The following SMCO4 variants were observed in gnomAD, a reference collection of about 807,000 sequenced individuals.
SMCO4 encodes the protein single-pass membrane protein with coiled-coil domains 4.
A neutral mutation model predicts 3.6 loss-of-function variants in SMCO4; 4 were observed. The ratio of observed to expected loss-of-function variants is 1.11; its 90% CI spans 0.54 to 2.53. The LOEUF (loss-of-function observed/expected upper bound fraction) is 2.53. Among genes scored for constraint, SMCO4 ranks in the 30% most tolerant of loss-of-function variants. The pLI, the probability that SMCO4 is intolerant of heterozygous loss-of-function variation, is 0.02. For synonymous variants in SMCO4, 36 were observed against 35.3 expected, an observed-to-expected ratio of 1.02 and a Z score of -0.07; for missense variants, 70 against 80.8, an observed-to-expected ratio of 0.87 and a Z score of 0.51.
Position 93,520,172 on chromosome 11 carries a change from G to C in SMCO4, c.-153-20824C>G, listed in dbSNP as rs11020398. On this transcript the variant is annotated intron_variant, in intron 1 of 2. Coordinates refer to ENST00000298966, the MANE Select transcript of SMCO4 (RefSeq NM_020179.3). ...CTAGAGGCATCTGGACAACTCCCTT[G>C]TTTTAGAGAAAAGAATCCTGAAGTT... 5.1e-3 allele frequency among the ~76,000 whole-genome samples: 778 copies of C among 152,280 alleles called. 34 individuals are homozygous for C. In the East Asian group the frequency reaches 0.075, roughly 15 times the overall value.
At chr11:93,482,407 A>T (rs968889294) in intron 2 of SMCO4, among the ~76,000 whole-genome samples, 1 of 152,148 alleles carries the variant, frequency 6.6e-6, no homozygotes, top group African/African-American at 2.4e-5. Flanking sequence ...AATATCAAGG[A>T]GGCAATTGGA....
intron 2 of SMCO4, among the ~76,000 whole-genome samples, chr11:93,487,259 G>A (rs1226286834): frequency 6.6e-6 from 1 of 152,192 alleles, no homozygotes; most frequent in Non-Finnish European, 1.5e-5. Context: ...AGGCTGACAG[G>A]AGAATTGTGC....
At chr11:93,527,242 TTA>T (rs1038142901) in intron 1 of SMCO4, among the ~76,000 whole-genome samples, 6 of 152,146 alleles carry the variant, frequency 3.9e-5, no homozygotes, top group African/African-American at 1.4e-4. Context: ...ACTCCAACTG[TTA>T]TATACCACAG....
chr11:93,494,086 C>T (rs1255032930), intron 2 of SMCO4, among the ~76,000 whole-genome samples: 1 of 152,148 alleles, frequency 6.6e-6, no homozygotes, highest in East Asian at 1.9e-4. Flanking sequence ...GCAAACACTC[C>T]TGAGTCCTTT....
chr11:93,510,010 T>C (rs1157155560), intron 1 of SMCO4, among the ~76,000 whole-genome samples: 2 of 152,152 alleles, frequency 1.3e-5, no homozygotes, highest in Non-Finnish European at 2.9e-5. Context: ...TAGTTATAAC[T>C]AAAAGAGAAG....
intron 1 of SMCO4, chr11:93,523,231 C>A (rs1013882047): frequency 2.0e-5 from 3 of 151,988 alleles, no homozygotes; most frequent in Non-Finnish European, 4.4e-5. Context: ...GTCCCAGCTA[C>A]TCAGGAGAAT....
In SMCO4 at chr11:93,543,223, C is replaced by G. The variant is rs1045526439; in HGVS notation, c.-154+53G>C. On this transcript the variant is annotated intron_variant, in intron 1 of 2. Coordinates refer to ENST00000298966, the MANE Select transcript of SMCO4 (RefSeq NM_020179.3). ...CCCGGTGCCCCGTGCCCCGCGCCCG[C>G]CCGCCGGCTCGCCCGCCCCGCCGCC... 41 of 143,452 alleles carry G rather than the reference C, an allele frequency of 2.9e-4. 1 individual carries two copies. The highest frequency in any genetic ancestry group is 1.0e-3 in the African/African-American group (41 of 40,450). The allele number at this position is 143,452 out of a possible 1,614,324, so 8.9% of individuals were successfully genotyped here.
At chr11:93,514,701 G>A (rs1948993723) in intron 1 of SMCO4, among the ~76,000 whole-genome samples, 1 of 152,106 alleles carries the variant, frequency 6.6e-6, no homozygotes, top group Admixed American at 6.5e-5. Context: ...ATTAATAGCT[G>A]ATTAAATGAT....
chr11:93,511,904 T>C (rs1948961102), intron 1 of SMCO4, among the ~76,000 whole-genome samples: 1 of 152,236 alleles, frequency 6.6e-6, no homozygotes, highest in South Asian at 2.1e-4. Context: ...AATTTTCATT[T>C]TGTAAACATG....
intron 1 of SMCO4, among the ~76,000 whole-genome samples, chr11:93,526,079 A>G (rs1949104093): frequency 1.3e-5 from 2 of 151,984 alleles, no homozygotes; most frequent in South Asian, 4.2e-4. Context: ...TATCCCTAAC[A>G]CTCATATTGG....
At chr11:93,507,446 T>C (rs576759167) in intron 1 of SMCO4, among the ~76,000 whole-genome samples, 158 of 152,278 alleles carry the variant, frequency 1.0e-3, no homozygotes, top group African/African-American at 3.6e-3. Context: ...TTTTCAGCTT[T>C]AGAGCATCTC....
intron 1 of SMCO4, among the ~76,000 whole-genome samples, chr11:93,511,952 A>ATCAC (rs1948961549): frequency 1.3e-5 from 2 of 152,232 alleles, no homozygotes; most frequent in African/African-American, 4.8e-5. Context: ...AACTGGGTCA[A>ATCAC]TAGTGATCTC....
chr11:93,538,173 A>C (rs551299987), intron 1 of SMCO4, among the ~76,000 whole-genome samples: 1 of 152,296 alleles, frequency 6.6e-6, no homozygotes, highest in South Asian at 2.1e-4. Context: ...TTGGGCTCTG[A>C]TGCCCGCTTC....
rs991042862 is a variant in SMCO4 at position 93,478,933 on chromosome 11, T to C, written c.*77A>G. 3.3e-6 allele frequency: 5 copies of C among 1,510,266 alleles called. No individual in the cohort carries two copies. The highest frequency in any genetic ancestry group is 2.8e-5 in the African/African-American group (2 of 72,614). 93.6% of individuals were successfully genotyped at this position (1,510,266 alleles called of 1,614,324 possible). ...TCAGCAACATGAACATCTCTGAATA[T>C]GAAAGCCATTTTTTGTTTGCGTCCC... On this transcript the variant is annotated 3_prime_UTR_variant, in exon 3 of 3. Transcript: ENST00000298966.
rs369643237 is a variant in SMCO4, at chr11:93,534,375, T to TATATAGAGAGAGAGAG, written c.-154+8900_-154+8901insCTCTCTCTCTCTATAT. Among the ~76,000 whole-genome samples the TATATAGAGAGAGAGAG allele has an allele frequency of 4.4e-3, 630 of 142,110 alleles. 9 individuals carry two copies. Among genetic ancestry groups the TATATAGAGAGAGAGAG allele is most frequent in the Non-Finnish European group, 6.3e-3 (415 of 65,934 alleles). The allele number at this position is 142,110 out of a possible 152,430, so 93.2% of individuals were successfully genotyped here. A position where few individuals can be genotyped will look rare whatever the true frequency, so the allele number is the denominator to read the frequency against. On this transcript the variant is annotated intron_variant, in intron 1 of 2. Coordinates refer to ENST00000298966, the MANE Select transcript of SMCO4 (RefSeq NM_020179.3). Reference sequence around the variant, plus strand: ...ACACATACATATATATATATATATATAGAGAGAGAGAGAGAGAGAGATACA... The same window carrying TATATAGAGAGAGAGAG: ...ACACATACATATATATATATATATATATATAGAGAGAGAGAGAGAGAGAGAGAGAGAGAGAGATACA...
chr11:93,550,599 C>G, the SMCO4 span, among the ~76,000 whole-genome samples: 1 of 152,210 alleles, frequency 6.6e-6, no homozygotes, highest in Non-Finnish European at 1.5e-5. Flanking sequence ...CACTTGAGCT[C>G]AGGAATTTGA....
chr11:93,498,994 A>G (rs1196516251), intron 2 of SMCO4, among the ~76,000 whole-genome samples: 2 of 152,156 alleles, frequency 1.3e-5, no homozygotes, highest in East Asian at 3.9e-4. Flanking sequence ...CAAGAGAGGA[A>G]GGGTGAGACC....
chr11:93,502,342 A>C (rs1425493566), intron 1 of SMCO4, among the ~76,000 whole-genome samples: 1 of 151,946 alleles, frequency 6.6e-6, no homozygotes, highest in Non-Finnish European at 1.5e-5. Context: ...TACCCTCAAA[A>C]ACACCCAGCA....
rs563178809 is a variant in SMCO4, at chr11:93,537,372, G to A, written c.-154+5904C>T. Among the ~76,000 whole-genome samples, 14 of 152,222 alleles carry A rather than the reference G, an allele frequency of 9.2e-5. No individual in the cohort carries two copies. The South Asian group carries it at 2.7e-3, about 29-fold the overall frequency. ...CACACTCACTACTGAAATCCAAACT[G>A]AACCAGTATACAAATCAGATGGTCC... On this transcript the variant is annotated intron_variant, in intron 1 of 2. Transcript: ENST00000298966.
Sources: allele counts gnomAD v4.1 joint callset (sites outside exome capture counted in the v4.1 genomes callset), GRCh38; gene constraint gnomAD v4.1.1; transcripts MANE v1.5; gene names NCBI Gene and HGNC (gene_info 2026-07-23, HGNC 2026-07-21).